Variants in SNRPN observed in about 807,000 individuals in gnomAD.
SNRPN encodes small nuclear ribonucleoprotein polypeptide N.
In SNRPN, 7 loss-of-function variants were observed where a neutral mutation model predicts 25.2. The observed-to-expected ratio is 0.28, with a 90% CI of 0.16 to 0.52. The LOEUF (loss-of-function observed/expected upper bound fraction) is 0.52. SNRPN is among the 20% of genes least tolerant of loss of function. The pLI, the probability that SNRPN is intolerant of heterozygous loss-of-function variation, is 0.96. For synonymous variants in SNRPN, 124 were observed against 110.6 expected (o/e 1.12, Z -0.76); for missense variants, 196 against 322.5 (o/e 0.61, Z 3.00).
intron 6 of SNRPN, 44 bp from the exon 7 acceptor site, chr15:24,976,833 C>T (rs2077118007): frequency 1.9e-6 from 3 of 1,571,914 alleles, no homozygotes; most frequent in Non-Finnish European, 2.6e-6. Flanking sequence ...ATACTGAGAA[C>T]TTGTAAATTG....
chr15:24,906,416 A>G (rs962113881), intron 2 of SNRPN, among the ~76,000 whole-genome samples: 2 of 152,174 alleles, frequency 1.3e-5, no homozygotes, highest in Non-Finnish European at 2.9e-5. Flanking sequence ...TACAGACATG[A>G]GCCACCGTAC....
chr15:24,895,617 A>T (rs890484248), intron 2 of SNRPN, among the ~76,000 whole-genome samples: 3 of 152,166 alleles, frequency 2.0e-5, no homozygotes, highest in South Asian at 2.1e-4. Context: ...CCTCAGTTAC[A>T]TATCTGGCTC....
At chr15:24,885,716 CTGTGTGTGTGTGTG>C (rs58691279) in intron 1 of SNRPN, among the ~76,000 whole-genome samples, 1 of 141,636 alleles carries the variant, frequency 7.1e-6, no homozygotes, top group Non-Finnish European at 1.5e-5. Flanking sequence ...GAATCTGGGG[CTGTGTGTGTGTGTG>C]TGTGTGTGTG....
At chr15:24,949,343 G>A (rs887187012) in intron 3 of SNRPN, among the ~76,000 whole-genome samples, 1 of 151,918 alleles carries the variant, frequency 6.6e-6, no homozygotes, top group Non-Finnish European at 1.5e-5. Context: ...ATCCTTAACA[G>A]AACATATAAA....
chr15:24,940,552 G>A (rs1276143141), intron 3 of SNRPN, among the ~76,000 whole-genome samples: 2 of 152,128 alleles, frequency 1.3e-5, no homozygotes, highest in Admixed American at 6.6e-5. Flanking sequence ...TTCTATTCCA[G>A]TTGTCTATGT....
intron 3 of SNRPN, among the ~76,000 whole-genome samples, chr15:24,927,825 C>T (rs1221797420): frequency 6.6e-6 from 1 of 152,010 alleles, no homozygotes; most frequent in Non-Finnish European, 1.5e-5. Context: ...GTGTTTGTGA[C>T]TTTTGAAGCA....
intron 3 of SNRPN, among the ~76,000 whole-genome samples, chr15:24,926,014 C>A (rs946965123): frequency 6.6e-6 from 1 of 152,006 alleles, no homozygotes; most frequent in South Asian, 2.1e-4. Context: ...GATTACAGGC[C>A]TGAGCCACCG....
intron 2 of SNRPN, among the ~76,000 whole-genome samples, chr15:24,901,634 T>G (rs971471711): frequency 6.6e-6 from 1 of 151,814 alleles, no homozygotes; most frequent in East Asian, 1.9e-4. Context: ...GTATTGATTT[T>G]GAAGTTACAC....
At chr15:24,824,295 G>A (rs1206695490) in intron 1 of SNRPN, among the ~76,000 whole-genome samples, 2 of 152,096 alleles carry the variant, frequency 1.3e-5, no homozygotes, top group Non-Finnish European at 2.9e-5. Flanking sequence ...AGAACACTGA[G>A]AGTCCCATTC....
intron 2 of SNRPN, among the ~76,000 whole-genome samples, chr15:24,897,782 G>A (rs2058171281): frequency 6.6e-6 from 1 of 152,170 alleles, no homozygotes; most frequent in South Asian, 2.1e-4. Context: ...CTGCCACCAT[G>A]TAACATGTGC....
chr15:24,930,171 T>A (rs1030977414), intron 3 of SNRPN, among the ~76,000 whole-genome samples: 18 of 148,204 alleles, frequency 1.2e-4, no homozygotes, highest in African/African-American at 4.0e-4. Context: ...AATAATAAAT[T>A]TTTTTCTAGA....
At chr15:24,949,274 G>A (rs958037129) in intron 3 of SNRPN, among the ~76,000 whole-genome samples, 23 of 151,728 alleles carry the variant, frequency 1.5e-4, no homozygotes, top group Non-Finnish European at 3.4e-4. Context: ...CACCTGCCTC[G>A]GCCTCCCAAA....
rs1430010235 is a variant in SNRPN at position 24,832,400 on chromosome 15, G to A, written c.-579+2495G>A. Among the ~76,000 whole-genome samples the A allele has an allele frequency of 3.3e-5, 5 of 152,076 alleles. No individual in the cohort carries two copies. The South Asian group carries it at 6.2e-4, about 19-fold the overall frequency. ...AGAGGTGAGGCCAGCTGGACTTCCT[G>A]GGTCGAGTGGGGACTTGGGGAAATC... On this transcript the variant is annotated intron_variant, in intron 2 of 12. Coordinates refer to the SNRPN transcript ENST00000400100.
At chr15:24,924,102 C>T (rs1420293065) in intron 3 of SNRPN, among the ~76,000 whole-genome samples, 1 of 151,136 alleles carries the variant, frequency 6.6e-6, no homozygotes, top group Non-Finnish European at 1.5e-5. Flanking sequence ...CCTCTACTTT[C>T]TGAGAATTCA....
intron 1 of SNRPN, among the ~76,000 whole-genome samples, chr15:24,870,521 G>A (rs2054993588): frequency 6.6e-6 from 1 of 152,164 alleles, no homozygotes; most frequent in African/African-American, 2.4e-5. Flanking sequence ...CTAACAGTGA[G>A]TGAGTTGGCC....
At chr15:24,961,635 C>T (rs537634755) in intron 1 of SNRPN, among the ~76,000 whole-genome samples, 1 of 151,832 alleles carries the variant, frequency 6.6e-6, no homozygotes, top group South Asian at 2.1e-4. Context: ...AAGAAAGCAC[C>T]ATTTGCATGT....
At position 24,871,712 on chromosome 15, in the gene SNRPN, C is replaced by CT. The variant is rs571773875; in HGVS notation, c.-578-14794dup. On this transcript the variant is annotated intron_variant, in intron 1 of 11. Transcript: ENST00000400097. The stretch of plus-strand genomic sequence containing the variant: ...TATATGACTAGCAAATATTTTGTCT[C>CT]TTTTTTTTTTGAGACAAAGTCTCGC... Among the ~76,000 whole-genome samples the CT allele has an allele frequency of 4.1e-4, 61 of 148,056 alleles. 1 individual carries two copies. The highest frequency in any genetic ancestry group is 1.0e-3 in the Admixed American group (15 of 14,730).
At chr15:24,838,602 G>C (rs1163257975) in intron 2 of SNRPN, among the ~76,000 whole-genome samples, 2 of 152,048 alleles carry the variant, frequency 1.3e-5, no homozygotes, top group African/African-American at 4.8e-5. Flanking sequence ...TATCAGATAA[G>C]GATTGGATTG....
chr15:24,935,576 G>A (rs528287078), intron 3 of SNRPN, among the ~76,000 whole-genome samples: 2 of 152,176 alleles, frequency 1.3e-5, no homozygotes, highest in Non-Finnish European at 2.9e-5. Context: ...GGAGGCTGCA[G>A]TGTTTTTAAG....
Sources: allele counts gnomAD v4.1 joint callset (sites outside exome capture counted in the v4.1 genomes callset), GRCh38; gene constraint gnomAD v4.1.1; transcripts MANE v1.5; gene names NCBI Gene and HGNC (gene_info 2026-07-23, HGNC 2026-07-21).